Variants in AGBL1 observed in about 807,000 individuals in gnomAD.
The protein encoded by AGBL1 is AGBL carboxypeptidase 1, also known as cytosolic carboxypeptidase 4.
A neutral mutation model predicts 118.9 loss-of-function variants in AGBL1; 130 were observed. The ratio of observed to expected loss-of-function variants is 1.09; its 90% CI spans 0.95 to 1.26. The LOEUF (loss-of-function observed/expected upper bound fraction) is 1.26, where lower values mean the gene tolerates loss of function less well. Among genes scored for constraint, AGBL1 ranks in the 50% most tolerant of loss-of-function variants. AGBL1 has a pLI of 0.00. For synonymous variants in AGBL1, 555 were observed against 478.9 expected (o/e 1.16, Z -2.08); for missense variants, 1,584 against 1,298.1 (o/e 1.22, Z -3.38).
chr15:86,081,532 T>C (rs940545535), intron 1 of AGBL1, among the ~76,000 whole-genome samples: 1 of 152,230 alleles, frequency 6.6e-6, no homozygotes, highest in African/African-American at 2.4e-5. Flanking sequence ...TCATTCTATC[T>C]GATTCATGCA....
chr15:86,843,030 T>G (rs2079267297), intron 22 of AGBL1, among the ~76,000 whole-genome samples: 1 of 152,184 alleles, frequency 6.6e-6, no homozygotes, highest in African/African-American at 2.4e-5. Context: ...TATCATACTT[T>G]GGGACATTCA....
chr15:86,247,202 T>C (rs7173537), intron 6 of AGBL1, among the ~76,000 whole-genome samples: 4,890 of 152,284 alleles, frequency 0.032, 266 homozygotes, highest in African/African-American at 0.11. Flanking sequence ...AAGAAAAAAT[T>C]GTTTGCTGGC....
At chr15:86,941,328 A>G (rs532100213) in intron 23 of AGBL1, among the ~76,000 whole-genome samples, 9 of 152,352 alleles carry the variant, frequency 5.9e-5, no homozygotes, top group Admixed American at 3.9e-4. Context: ...AGTCAGGAGA[A>G]AAACTACACA....
intron 22 of AGBL1, among the ~76,000 whole-genome samples, chr15:86,814,627 G>A (rs932445909): frequency 6.6e-6 from 1 of 152,118 alleles, no homozygotes; most frequent in Non-Finnish European, 1.5e-5. Context: ...TAAGAGTTGG[G>A]ACTCTGAAGT....
intron 23 of AGBL1, among the ~76,000 whole-genome samples, chr15:86,969,843 G>A (rs2141701068): frequency 6.6e-6 from 1 of 152,048 alleles, no homozygotes; most frequent in South Asian, 2.1e-4. Context: ...AACCAAATCA[G>A]GAGCTGGTCT....
At position 86,397,278 on chromosome 15, in the gene AGBL1, C is replaced by T. The variant is rs572230934; in HGVS notation, c.2375-88C>T. The stretch of plus-strand genomic sequence containing the variant: ...ATGTATTTTTAATAAAAATTAGTAT[C>T]AAAGAAGCAAAAAAGAAGTTTAGAA... On this transcript the variant is annotated intron_variant, in intron 17 of 22. Transcript: ENST00000614907. 10 of 979,566 alleles carry T rather than the reference C, an allele frequency of 1.0e-5. No homozygotes were observed. In the South Asian group the frequency reaches 3.3e-4, roughly 33 times the overall value. 60.7% of individuals were successfully genotyped at this position (979,566 alleles called of 1,614,324 possible).
At chr15:86,706,517 GA>G (rs199568692) in intron 22 of AGBL1, among the ~76,000 whole-genome samples, 3,431 of 152,146 alleles carry the variant, frequency 0.023, 52 homozygotes, top group Non-Finnish European at 0.035. Context: ...ATCTCCTTGA[GA>G]ACATATTCTT....
intron 22 of AGBL1, among the ~76,000 whole-genome samples, chr15:86,785,168 G>A (rs1020018401): frequency 5.9e-5 from 9 of 152,020 alleles, no homozygotes; most frequent in African/African-American, 2.2e-4. Context: ...GGAGAGCCAG[G>A]GCACAGCTGT....
chr15:86,488,306 A>G (rs1169147193), intron 18 of AGBL1, among the ~76,000 whole-genome samples: 1 of 151,956 alleles, frequency 6.6e-6, no homozygotes, highest in Non-Finnish European at 1.5e-5. Context: ...ATCCCAACTG[A>G]AAAGCATTTC....
At chr15:86,283,415 T>C (rs914239247) in intron 16 of AGBL1, among the ~76,000 whole-genome samples, 1 of 151,834 alleles carries the variant, frequency 6.6e-6, no homozygotes, top group African/African-American at 2.4e-5. Context: ...AGCAGAATTT[T>C]TACCAGACAC....
At chr15:86,211,474 A>C (rs536652904) in intron 5 of AGBL1, among the ~76,000 whole-genome samples, 19 of 152,328 alleles carry the variant, frequency 1.2e-4, no homozygotes, top group Non-Finnish European at 2.4e-4. Flanking sequence ...CAGGCCTTGC[A>C]GCGCTGCGGT....
intron 5 of AGBL1, among the ~76,000 whole-genome samples, chr15:86,196,676 C>T (rs1218619863): frequency 1.3e-5 from 2 of 151,980 alleles, no homozygotes; most frequent in Non-Finnish European, 1.5e-5. Flanking sequence ...TGAATTGTGT[C>T]CCACCAAGTA....
intron 5 of AGBL1, among the ~76,000 whole-genome samples, chr15:86,222,408 C>T (rs2078294165): frequency 6.6e-6 from 1 of 152,148 alleles, no homozygotes; most frequent in Non-Finnish European, 1.5e-5. Context: ...CCTAACTATT[C>T]CAGGCCATCA....
chr15:86,425,035 A>G (rs1007909934), intron 18 of AGBL1, among the ~76,000 whole-genome samples: 4 of 152,226 alleles, frequency 2.6e-5, no homozygotes, highest in Non-Finnish European at 5.9e-5. Flanking sequence ...CAATCCCATT[A>G]CTGGGTATAT....
At chr15:86,115,501 G>A (rs573998867) in intron 1 of AGBL1, among the ~76,000 whole-genome samples, 1 of 152,268 alleles carries the variant, frequency 6.6e-6, no homozygotes, top group Admixed American at 6.5e-5. Flanking sequence ...TTGAAAAGAA[G>A]GGCCTTTGAA....
intron 1 of AGBL1, among the ~76,000 whole-genome samples, chr15:86,124,563 AT>A (rs550331070): frequency 6.6e-6 from 1 of 152,046 alleles, no homozygotes; most frequent in Non-Finnish European, 1.5e-5. Context: ...TATTTTAAAG[AT>A]TTTTTCTCTC....
At chr15:86,641,227 G>C (rs2085184468) in intron 21 of AGBL1, among the ~76,000 whole-genome samples, 1 of 151,946 alleles carries the variant, frequency 6.6e-6, no homozygotes, top group Non-Finnish European at 1.5e-5. Context: ...ATTCAGGCTA[G>C]TGTACTATAT....
chr15:86,530,611 A>T (rs906752535), intron 19 of AGBL1, among the ~76,000 whole-genome samples: 3 of 150,962 alleles, frequency 2.0e-5, no homozygotes, highest in African/African-American at 7.3e-5. Flanking sequence ...AAGCGGACTT[A>T]ATAGACATCT....
At chr15:86,861,496 C>T (rs2079558399) in intron 22 of AGBL1, among the ~76,000 whole-genome samples, 1 of 152,180 alleles carries the variant, frequency 6.6e-6, no homozygotes, top group Non-Finnish European at 1.5e-5. Context: ...ATTCCGACTA[C>T]AGGGAGCTAG....
Sources: allele counts gnomAD v4.1 joint callset (sites outside exome capture counted in the v4.1 genomes callset), GRCh38; gene constraint gnomAD v4.1.1; transcripts MANE v1.5; gene names NCBI Gene and HGNC (gene_info 2026-07-23, HGNC 2026-07-21).